Variants in FSTL4 observed in about 807,000 individuals in gnomAD.
FSTL4 encodes the protein follistatin like 4.
FSTL4 carries 28 observed loss-of-function variants against 78.2 expected under a neutral mutation model. The ratio of observed to expected loss-of-function variants is 0.36; its 90% confidence interval spans 0.27 to 0.49. The LOEUF (loss-of-function observed/expected upper bound fraction) is 0.49, where lower values mean the gene tolerates loss of function less well. Ranked by LOEUF, FSTL4 falls within the 20% of genes least tolerant of loss-of-function variation. The pLI is 0.98. For synonymous variants in FSTL4, 422 were observed against 440.5 expected (o/e 0.96, Z 0.53); for missense variants, 922 against 1,084.9 (o/e 0.85, Z 2.11).
intron 6 of FSTL4, among the ~76,000 whole-genome samples, chr5:133,260,907 G>A (rs1046782169): frequency 3.3e-5 from 5 of 152,236 alleles, no homozygotes; most frequent in South Asian, 2.1e-4. Flanking sequence ...AAGTGGAAAC[G>A]TGGAGTAAGG....
At chr5:133,641,371 G>C in the FSTL4 span, among the ~76,000 whole-genome samples, 15,437 of 152,140 alleles carry the variant, frequency 0.1, 850 homozygotes, top group Admixed American at 0.16. Flanking sequence ...AGATATTCTG[G>C]AATAATACAT....
At chr5:133,716,384 AAT>A in the FSTL4 span, among the ~76,000 whole-genome samples, 47 of 147,538 alleles carry the variant, frequency 3.2e-4, no homozygotes, top group South Asian at 1.9e-3. Context: ...TTTATATAAG[AAT>A]ATATATATAT....
the FSTL4 span, among the ~76,000 whole-genome samples, chr5:133,681,297 C>T: frequency 2.6e-5 from 4 of 152,246 alleles, no homozygotes; most frequent in African/African-American, 4.8e-5. Flanking sequence ...GGGCCAGAAG[C>T]GGTGAGTGAG....
the FSTL4 span, among the ~76,000 whole-genome samples, chr5:133,700,168 A>C: frequency 3.3e-3 from 498 of 151,846 alleles, 7 homozygotes; most frequent in African/African-American, 0.012. Context: ...ACACTGAACC[A>C]CCACACCAAA....
At chr5:133,250,992 C>G (rs141102567) in intron 6 of FSTL4, among the ~76,000 whole-genome samples, 2 of 152,136 alleles carry the variant, frequency 1.3e-5, no homozygotes, top group Admixed American at 1.3e-4. Context: ...GGTGAAGGAA[C>G]CCTCAAGGAA....
At chr5:133,318,070 T>C (rs1039120210) in intron 4 of FSTL4, among the ~76,000 whole-genome samples, 2 of 152,222 alleles carry the variant, frequency 1.3e-5, no homozygotes, top group African/African-American at 4.8e-5. Context: ...TTGGGGTCAA[T>C]TGATTTCTGT....
the FSTL4 span, among the ~76,000 whole-genome samples, chr5:133,624,611 T>C: frequency 6.6e-6 from 1 of 151,986 alleles, no homozygotes; most frequent in Non-Finnish European, 1.5e-5. Flanking sequence ...CAAAAAAAAA[T>C]ACTCAAGCAC....
At chr5:133,704,863 C>T in the FSTL4 span, among the ~76,000 whole-genome samples, 2 of 152,228 alleles carry the variant, frequency 1.3e-5, no homozygotes, top group African/African-American at 4.8e-5. Context: ...CCCACTACTG[C>T]TCTAAGATGC....
intron 2 of FSTL4, among the ~76,000 whole-genome samples, chr5:133,576,537 C>T (rs762153094): frequency 3.9e-5 from 6 of 152,194 alleles, no homozygotes; most frequent in Non-Finnish European, 8.8e-5. Flanking sequence ...CTCAACGTGG[C>T]CAGATCTTCA....
chr5:133,318,710 TCC>T (rs1753970418), intron 4 of FSTL4, among the ~76,000 whole-genome samples: 1 of 152,192 alleles, frequency 6.6e-6, no homozygotes, highest in Non-Finnish European at 1.5e-5. Context: ...ACAATCAGGC[TCC>T]GAAGAACATG....
the FSTL4 span, among the ~76,000 whole-genome samples, chr5:133,801,577 C>T: frequency 3.3e-5 from 5 of 152,262 alleles, no homozygotes; most frequent in African/African-American, 1.2e-4. Flanking sequence ...TTTCTTTCTG[C>T]CTCATGAAGC....
chr5:133,623,495 G>T, the FSTL4 span, among the ~76,000 whole-genome samples: 1 of 151,804 alleles, frequency 6.6e-6, no homozygotes, highest in Non-Finnish European at 1.5e-5. Flanking sequence ...TTCAAAAACT[G>T]ACTTAAAATT....
chr5:133,669,933 A>G, the FSTL4 span, among the ~76,000 whole-genome samples: 1 of 151,898 alleles, frequency 6.6e-6, no homozygotes, highest in Admixed American at 6.5e-5. Flanking sequence ...CAAGATAAAG[A>G]CCCAAATCCT....
chr5:133,685,271 A>G, the FSTL4 span, among the ~76,000 whole-genome samples: 1 of 152,304 alleles, frequency 6.6e-6, no homozygotes, highest in African/African-American at 2.4e-5. Flanking sequence ...TGTCTTTGAG[A>G]TGACAAACCC....
At chr5:133,836,126 T>C in the FSTL4 span, among the ~76,000 whole-genome samples, 1 of 152,218 alleles carries the variant, frequency 6.6e-6, no homozygotes, top group East Asian at 1.9e-4. Context: ...TTTGTTTTTA[T>C]CTAGTCTAAC....
intron 3 of FSTL4, among the ~76,000 whole-genome samples, chr5:133,531,486 G>A (rs1485292472): frequency 6.6e-6 from 1 of 152,198 alleles, no homozygotes; most frequent in Non-Finnish European, 1.5e-5. Flanking sequence ...TGAGTGTGGA[G>A]TGTGGATCCC....
intron 3 of FSTL4, among the ~76,000 whole-genome samples, chr5:133,537,389 A>G (rs931475552): frequency 6.6e-6 from 1 of 151,936 alleles, no homozygotes; most frequent in Admixed American, 6.6e-5. Flanking sequence ...TTTAAATTAC[A>G]TTTTCTCTTT....
At chr5:133,627,269 T>C in the FSTL4 span, among the ~76,000 whole-genome samples, 2 of 150,752 alleles carry the variant, frequency 1.3e-5, no homozygotes, top group African/African-American at 4.9e-5. Context: ...AATTGACTCA[T>C]AGTTCCACGT....
rs570040867 is a variant in FSTL4, at chr5:133,365,053, G to T, written c.409+35685C>A. On this transcript the variant is annotated intron_variant, in intron 4 of 15. Transcript: ENST00000265342. ...CCCTCAGAAAGCCCTCTATTTTAGC[G>T]CACAGAAGGTTAATTGCCCAGTTTT... is the stretch of plus-strand genomic sequence containing the variant. 5.3e-5 allele frequency among the ~76,000 whole-genome samples: 8 copies of T among 152,130 alleles called. No homozygotes were observed. The South Asian group carries it at 1.7e-3, about 32-fold the overall frequency.
Sources: gnomAD v4.1 joint callset for allele counts (sites outside exome capture counted in the v4.1 genomes callset) on GRCh38, gnomAD v4.1.1 for gene constraint, MANE v1.5 for transcripts, NCBI Gene and HGNC (gene_info 2026-07-23, HGNC 2026-07-21) for gene names.